The following CDH4 variants were observed in gnomAD, a reference collection of about 807,000 sequenced individuals.
CDH4 encodes cadherin 4, also known as cadherin-4.
Under a neutral mutation model 86.0 loss-of-function variants are expected in CDH4, and 33 were observed. The ratio of observed to expected loss-of-function variants is 0.38; its 90% CI spans 0.29 to 0.51. The LOEUF (loss-of-function observed/expected upper bound fraction) is 0.51, where lower values mean the gene tolerates loss of function less well. Ranked by LOEUF, CDH4 falls within the 20% of genes least tolerant of loss-of-function variation. The probability of loss-of-function intolerance (pLI) is 0.86; values close to 1 mark genes in which losing one functional copy is unlikely to be tolerated. For missense variants in CDH4, 1,114 were observed against 1,307.4 expected, an observed-to-expected ratio of 0.85 and a Z score of 2.28; for synonymous variants, 555 against 549.4, an observed-to-expected ratio of 1.01 and a Z score of -0.14.
At chr20:61,822,050 T>C (rs1000506056) in intron 4 of CDH4, among the ~76,000 whole-genome samples, 1 of 152,258 alleles carries the variant, frequency 6.6e-6, no homozygotes, top group Non-Finnish European at 1.5e-5. Flanking sequence ...CTAGATTTTG[T>C]TTTTCCTTCT....
intron 2 of CDH4, among the ~76,000 whole-genome samples, chr20:61,541,144 C>A (rs571601877): frequency 6.6e-6 from 1 of 152,294 alleles, no homozygotes; most frequent in South Asian, 2.1e-4. Flanking sequence ...AAATAATTAA[C>A]CACCCCAGTC....
chr20:61,557,607 C>G (rs1047335243), intron 2 of CDH4, among the ~76,000 whole-genome samples: 10 of 152,176 alleles, frequency 6.6e-5, no homozygotes, highest in African/African-American at 2.4e-4. Flanking sequence ...AGAGATAAAA[C>G]TCATGAGTGA....
rs2087862901 is a variant in CDH4, at chr20:61,709,111, TC to T, written c.170-34449del. Reference sequence around the variant, plus strand: ...GTTCACATCACCCCAAAGCCTCGGGTCCCAGTGGCGTAGCGGCCGCCCAAAT... The same window carrying T: ...GTTCACATCACCCCAAAGCCTCGGGTCCAGTGGCGTAGCGGCCGCCCAAAT... On this transcript the variant is annotated intron_variant, in intron 2 of 15. Transcript: ENST00000614565. The surrounding 1 kb of genome is among the most constrained non-coding windows in gnomAD (Gnocchi z 4.8). 6.6e-6 allele frequency among the ~76,000 whole-genome samples: 1 copy of T among 152,026 alleles called. No homozygotes were observed. Among genetic ancestry groups the T allele is most frequent in the African/African-American group, 2.4e-5 (1 of 41,392 alleles).
Position 61,623,601 on chromosome 20 carries a change from T to G in CDH4, c.170-119962T>G, listed in dbSNP as rs889908877. Among the ~76,000 whole-genome samples the G allele has an allele frequency of 6.6e-6, 1 of 152,142 alleles. No individual in the cohort carries two copies. Among genetic ancestry groups the G allele is most frequent in the Non-Finnish European group, 1.5e-5 (1 of 68,018 alleles). On this transcript the variant is annotated intron_variant, in intron 2 of 15. Transcript: ENST00000614565. The surrounding 1 kb of genome is among the most constrained non-coding windows in gnomAD (Gnocchi z 4.4). The stretch of plus-strand genomic sequence containing the variant: ...GACCCAGCGGCCGTGTTGTCTTTCC[T>G]CTACATGAGCATCATTCGTGCAAAG...
At chr20:61,285,696 T>G (rs1223679744) in intron 2 of CDH4, among the ~76,000 whole-genome samples, 1 of 152,280 alleles carries the variant, frequency 6.6e-6, no homozygotes, top group East Asian at 1.9e-4. Context: ...TAGTCAAGAA[T>G]GAACCAATTT....
chr20:61,830,018 G>C (rs1896458819), intron 4 of CDH4, among the ~76,000 whole-genome samples: 1 of 151,970 alleles, frequency 6.6e-6, no homozygotes, highest in Non-Finnish European at 1.5e-5. Flanking sequence ...ACCCTTGCAG[G>C]CCCCAGATCT....
At chr20:61,526,663 C>T (rs1398126175) in intron 2 of CDH4, among the ~76,000 whole-genome samples, 1 of 128,282 alleles carries the variant, frequency 7.8e-6, no homozygotes, top group Non-Finnish European at 1.6e-5. Flanking sequence ...CCCACCCCAT[C>T]CCTGGCTTTT....
chr20:61,266,382 T>A (rs1307783155), intron 2 of CDH4, among the ~76,000 whole-genome samples: 2 of 152,064 alleles, frequency 1.3e-5, no homozygotes, highest in Non-Finnish European at 2.9e-5. Flanking sequence ...TTTCCAGGCC[T>A]CTTTTCAGGA....
chr20:61,428,811 G>A (rs79490524), intron 2 of CDH4, among the ~76,000 whole-genome samples: 4,337 of 152,264 alleles, frequency 0.028, 97 homozygotes, highest in Non-Finnish European at 0.044. Flanking sequence ...TTTTAACTAA[G>A]TCGATGGGGA....
intron 3 of CDH4, among the ~76,000 whole-genome samples, chr20:61,758,316 C>T (rs1600954860): frequency 6.6e-6 from 1 of 152,208 alleles, no homozygotes; most frequent in African/African-American, 2.4e-5. Context: ...CAAGCCAGGC[C>T]AGCCCCAGTC....
At chr20:61,411,080 A>G (rs1420686272) in intron 2 of CDH4, among the ~76,000 whole-genome samples, 1 of 149,678 alleles carries the variant, frequency 6.7e-6, no homozygotes, top group Non-Finnish European at 1.5e-5. Context: ...TAGCCCATCT[A>G]TCATTTCATC....
intron 4 of CDH4, among the ~76,000 whole-genome samples, chr20:61,793,094 C>G (rs970871338): frequency 6.6e-6 from 1 of 152,150 alleles, no homozygotes; most frequent in Non-Finnish European, 1.5e-5. Flanking sequence ...TCCAGAGTAA[C>G]TGGGATTACA....
intron 2 of CDH4, among the ~76,000 whole-genome samples, chr20:61,580,227 G>T (rs1363414910): frequency 6.6e-6 from 1 of 152,142 alleles, no homozygotes; most frequent in Non-Finnish European, 1.5e-5. Flanking sequence ...GGCCTAGACG[G>T]GTGAATCACC....
At chr20:61,555,777 G>A (rs1054575512) in intron 2 of CDH4, among the ~76,000 whole-genome samples, 1 of 152,146 alleles carries the variant, frequency 6.6e-6, no homozygotes, top group African/African-American at 2.4e-5. Flanking sequence ...CACACATAAT[G>A]TTCATTTTTA....
rs1364450955 is a variant in CDH4, at chr20:61,810,143, C to T, written c.577-34525C>T. Among the ~76,000 whole-genome samples, 1 of 152,178 alleles carries T rather than the reference C, an allele frequency of 6.6e-6. No homozygotes were observed. Among genetic ancestry groups the T allele is most frequent in the African/African-American group, 2.4e-5 (1 of 41,440 alleles). ...TCAGCCGGGGTGGGGTGGGGGGCAC[C>T]TGAGCCTAGACCTGTTCTCAAGACG... On this transcript the variant is annotated intron_variant, in intron 4 of 15. Transcript: ENST00000614565. The surrounding 1 kb of genome is among the most constrained non-coding windows in gnomAD (Gnocchi z 4.3).
At chr20:61,343,279 C>T (rs1195456157) in intron 2 of CDH4, among the ~76,000 whole-genome samples, 1 of 152,224 alleles carries the variant, frequency 6.6e-6, no homozygotes, top group Non-Finnish European at 1.5e-5. Context: ...GAAAATAAGA[C>T]TCAAAATGAT....
At chr20:61,803,317 T>G (rs954959985) in intron 4 of CDH4, among the ~76,000 whole-genome samples, 1 of 152,198 alleles carries the variant, frequency 6.6e-6, no homozygotes, top group African/African-American at 2.4e-5. Context: ...CCAGAGAGGC[T>G]GTCCAACCCA....
At chr20:61,320,672 C>G (rs2084503031) in intron 2 of CDH4, among the ~76,000 whole-genome samples, 1 of 151,942 alleles carries the variant, frequency 6.6e-6, no homozygotes, top group African/African-American at 2.4e-5. Context: ...TGCCTCCCAG[C>G]AGAGAACCCT....
chr20:61,882,469 C>G (rs771600480), intron 7 of CDH4, among the ~76,000 whole-genome samples: 1 of 152,218 alleles, frequency 6.6e-6, no homozygotes. Context: ...CAAATCCCGC[C>G]TTCTGGATTC....
Sources: gnomAD v4.1 joint callset for allele counts (sites outside exome capture counted in the v4.1 genomes callset) on GRCh38, gnomAD v4.1.1 for gene constraint, Gnocchi (gnomAD v3.1) non-coding constraint, MANE v1.5 for transcripts, NCBI Gene and HGNC (gene_info 2026-07-23, HGNC 2026-07-21) for gene names.